Variants in ABI2 observed in about 807,000 individuals in gnomAD.
ABI2 encodes abelson interactor 2.
Under a neutral mutation model 59.2 loss-of-function variants are expected in ABI2, and 25 were observed. The observed-to-expected ratio is 0.42, with a 90% CI of 0.31 to 0.59. The LOEUF (loss-of-function observed/expected upper bound fraction) is 0.59. Among genes scored for constraint, ABI2 ranks in the 20% least tolerant of loss-of-function variants. The probability of loss-of-function intolerance (pLI) is 0.14; values close to 1 mark genes in which losing one functional copy is unlikely to be tolerated. For missense variants in ABI2, 545 were observed against 681.8 expected (o/e 0.80, Z 2.23); for synonymous variants, 213 against 235.5 (o/e 0.90, Z 0.87).
intron 8 of ABI2, among the ~76,000 whole-genome samples, chr2:203,400,079 C>CT (rs10581610): frequency 0.016 from 978 of 59,546 alleles, 206 homozygotes; most frequent in East Asian, 0.036. Context: ...TGAATAGTGT[C>CT]TTTTTTTTTT....
chr2:203,381,231 T>A (rs745384913), intron 3 of ABI2, among the ~76,000 whole-genome samples: 1 of 152,224 alleles, frequency 6.6e-6, no homozygotes, highest in South Asian at 2.1e-4. Flanking sequence ...TTAAAATCTC[T>A]TTGTCTTCAG....
Position 203,402,659 on chromosome 2 carries a change from C to A in ABI2, c.1117C>A (p.Arg373Ser). Reference sequence around the variant, plus strand: ...AATAGGGGGCTCGTTGCCCTATAGACGCCCTCCTTCCATTACTTCACAAAC... The same window carrying A: ...AATAGGGGGCTCGTTGCCCTATAGAAGCCCTCCTTCCATTACTTCACAAAC... ...PTIGGSLPYR[R>S]PPSITSQTSL... Residue 373 changes from arginine to serine, a missense_variant, in exon 9 of 12, where the codon CGC becomes AGC. Around this residue, in one of 4 missense-constraint regions of ABI2, gnomAD observed 410 missense variants for 435.6 expected, o/e 0.94. Transcript: ENST00000261018. The A allele has an allele frequency of 6.2e-7, 1 of 1,606,524 alleles. No homozygotes were observed. The highest frequency in any genetic ancestry group is 8.5e-7 in the Non-Finnish European group (1 of 1,177,320).
chr2:203,401,877 T>C (rs1413426057), intron 8 of ABI2, among the ~76,000 whole-genome samples: 2 of 152,308 alleles, frequency 1.3e-5, no homozygotes, highest in African/African-American at 4.8e-5. Context: ...GTGTCAAACA[T>C]TTTTTCTCTT....
intron 1 of ABI2, among the ~76,000 whole-genome samples, chr2:203,338,002 C>T (rs1236592074): frequency 1.3e-5 from 2 of 152,212 alleles, no homozygotes; most frequent in African/African-American, 2.4e-5. Context: ...TGCACTCCAT[C>T]CTGGGCAACA....
chr2:203,371,489 C>T (rs942204694), intron 2 of ABI2, among the ~76,000 whole-genome samples: 10 of 152,124 alleles, frequency 6.6e-5, no homozygotes, highest in African/African-American at 2.4e-4. Context: ...CTACATTCAT[C>T]ATATCTATAA....
At chr2:203,355,190 C>A (rs572453478) in intron 1 of ABI2, 1 of 410,042 alleles carries the variant, frequency 2.4e-6, no homozygotes, top group South Asian at 1.8e-5. Flanking sequence ...TCTGGTGCTT[C>A]CTGACAAAGA....
chr2:203,397,820 A>C (rs2097065963), intron 8 of ABI2, among the ~76,000 whole-genome samples: 1 of 152,206 alleles, frequency 6.6e-6, no homozygotes, highest in Non-Finnish European at 1.5e-5. Context: ...ACGTGGCCAG[A>C]GTAGGAGCAA....
At chr2:203,424,004 C>G (rs1262620447) in intron 11 of ABI2, among the ~76,000 whole-genome samples, 2 of 152,184 alleles carry the variant, frequency 1.3e-5, no homozygotes, top group African/African-American at 4.8e-5. Context: ...CATAACTGCA[C>G]AAAAACCAGA....
intron 2 of ABI2, among the ~76,000 whole-genome samples, chr2:203,371,719 A>C (rs1470020314): frequency 6.6e-6 from 1 of 152,132 alleles, no homozygotes; most frequent in African/African-American, 2.4e-5. Flanking sequence ...CAAACATGTA[A>C]TTTTACTGAA....
At chr2:203,381,230 CTT>C (rs2096104111) in intron 3 of ABI2, among the ~76,000 whole-genome samples, 1 of 152,064 alleles carries the variant, frequency 6.6e-6, no homozygotes, top group Non-Finnish European at 1.5e-5. Flanking sequence ...TTTAAAATCT[CTT>C]TGTCTTCAGG....
chr2:203,411,324 C>T lies in ABI2; in HGVS notation c.1232C>T (p.Thr411Ile). The change falls in exon 10 of 12, where the codon ACT becomes ATT. Residue 411 changes from threonine to isoleucine, a missense_variant. Physicochemically the swap from Thr to Ile is moderately conservative, Grantham distance 89. This residue lies in a region of ABI2 where 410 missense variants were observed against 435.6 expected (regional missense o/e 0.94). Transcript: ENST00000261018. ...APPPPSILQVTPQLPLMGFVA... is the reference protein window; with the variant it reads ...APPPPSILQVIPQLPLMGFVA... ...CCTCCTCCCTCCATCCTACAGGTAA[C>T]TCCTCAGTTACCTTTAATGGGATTT... The T allele has an allele frequency of 6.2e-7, 1 of 1,613,758 alleles. No homozygotes were observed. The highest frequency in any genetic ancestry group is 8.5e-7 in the Non-Finnish European group (1 of 1,179,788).
intron 1 of ABI2, among the ~76,000 whole-genome samples, chr2:203,339,580 CAAAAAAA>C (rs943110280): frequency 5.1e-5 from 3 of 59,124 alleles, no homozygotes; most frequent in African/African-American, 1.2e-4. Flanking sequence ...GACTCCGTCT[CAAAAAAA>C]AAAAAAAAAA....
chr2:203,338,908 CTGTGTG>C (rs148766477), intron 1 of ABI2, among the ~76,000 whole-genome samples: 16 of 64,030 alleles, frequency 2.5e-4, no homozygotes, highest in African/African-American at 1.1e-3. Flanking sequence ...GGGTTTATAT[CTGTGTG>C]TGTGTGTGTG....
chr2:203,382,206 G>C lies in ABI2; in HGVS notation c.480G>C (p.Lys160Asn). ...GCATTAAGTGGTTGCTTAGATTTAA[G>C]GTAAGAGATTCCAGGGCTGGATTTC... is the stretch of plus-strand genomic sequence containing the variant. ...GHGVKWLLRF[K>N]VSTQNMKMGG... The change falls in exon 4 of 12, where the codon AAG (lysine) becomes AAC (asparagine). Residue 160 changes from lysine (K) to asparagine (N), a missense_variant and splice_region_variant. Physicochemically the swap from Lys to Asn is moderately conservative, Grantham distance 94. This residue lies in a region of ABI2 where 410 missense variants were observed against 435.6 expected (regional missense o/e 0.94). Coordinates refer to ENST00000261018, the MANE Select transcript of ABI2 (RefSeq NM_001375670.1). 6.5e-7 allele frequency: 1 copy of C among 1,527,886 alleles called. No individual in the cohort carries two copies. The highest frequency in any genetic ancestry group is 8.7e-7 in the Non-Finnish European group (1 of 1,143,044). 94.6% of individuals were successfully genotyped at this position (1,527,886 alleles called of 1,614,324 possible).
In ABI2 at chr2:203,428,539, TAATG is replaced by T. The variant is rs1284314743; in HGVS notation, c.*1191_*1194del. ...TAAAACCCATCTCAGACTAAGAATA[TAATG>T]AATAAGATTAATAGGCCAAAATATG... On this transcript the variant is annotated 3_prime_UTR_variant, in exon 12 of 12. Coordinates refer to ENST00000261018, the MANE Select transcript of ABI2 (RefSeq NM_001375670.1). 5.9e-5 allele frequency: 9 copies of T among 152,602 alleles called. No individual in the cohort carries two copies. Among genetic ancestry groups the T allele is most frequent in the Non-Finnish European group, 8.8e-5 (6 of 68,028 alleles). 9.5% of individuals were successfully genotyped at this position (152,602 alleles called of 1,614,324 possible).
At chr2:203,338,801 A>G (rs1559152739) in intron 1 of ABI2, among the ~76,000 whole-genome samples, 1 of 150,976 alleles carries the variant, frequency 6.6e-6, no homozygotes, top group African/African-American at 2.4e-5. Context: ...GAGTGACTAC[A>G]TCAAACTAAA....
chr2:203,353,702 T>G (rs2090276099), intron 1 of ABI2, among the ~76,000 whole-genome samples: 2 of 152,172 alleles, frequency 1.3e-5, no homozygotes, highest in Non-Finnish European at 2.9e-5. Context: ...TTTACCATGT[T>G]GGCCAGGCTG....
chr2:203,373,080 C>T (rs1391228063), intron 2 of ABI2, among the ~76,000 whole-genome samples: 3 of 152,210 alleles, frequency 2.0e-5, no homozygotes, highest in Non-Finnish European at 4.4e-5. Flanking sequence ...GCAGAGGCTG[C>T]AATCTCGGCA....
At chr2:203,372,814 C>T (rs1435766054) in intron 2 of ABI2, among the ~76,000 whole-genome samples, 4 of 151,508 alleles carry the variant, frequency 2.6e-5, no homozygotes, top group African/African-American at 4.9e-5. Context: ...GGCAGAGACG[C>T]TCCTCACCTC....
Sources: allele counts gnomAD v4.1 joint callset (sites outside exome capture counted in the v4.1 genomes callset), GRCh38; gene constraint gnomAD v4.1.1; regional missense constraint gnomAD v4.1.1; transcripts MANE v1.5; gene names NCBI Gene and HGNC (gene_info 2026-07-23, HGNC 2026-07-21).